TMEM184A: variants seen among roughly 807,000 people sequenced by gnomAD.
The protein encoded by TMEM184A is transmembrane protein 184A.
TMEM184A carries 40 observed loss-of-function variants against 39.5 expected under a neutral mutation model. The observed-to-expected ratio is 1.01, with a 90% CI of 0.79 to 1.32. The LOEUF is 1.32. Among genes scored for constraint, TMEM184A ranks in the 40% most tolerant of loss-of-function variants. The pLI is 0.00. For synonymous variants in TMEM184A, 280 were observed against 252.3 expected, an observed-to-expected ratio of 1.11 and a Z score of -1.04; for missense variants, 603 against 568.8, an observed-to-expected ratio of 1.06 and a Z score of -0.61.
At chr7:1,549,141 G>T in intron 6 of TMEM184A, 1 of 463,142 alleles carries the variant, frequency 2.2e-6, no homozygotes, top group South Asian at 1.5e-5. Flanking sequence ...CGCTGTGTGT[G>T]TGCACATATT....
rs1166139431 is a variant in TMEM184A, at chr7:1,542,329, C to CG, written c.*4622dup. 6.6e-6 allele frequency: 1 copy of CG among 152,618 alleles called. No homozygotes were observed. 9.5% of individuals were successfully genotyped at this position (152,618 alleles called of 1,614,324 possible). ...TACTGTAAATCTATCAGAGCAGAGCCGGGGGCACGGGCACAGGTGGGAGTT... is the reference window on the plus strand; with the variant it reads ...TACTGTAAATCTATCAGAGCAGAGCCGGGGGGCACGGGCACAGGTGGGAGTT... On this transcript the variant is annotated 3_prime_UTR_variant, in exon 9 of 9. Transcript: ENST00000297477.
At chr7:1,550,098 C>A (rs762497806) in intron 5 of TMEM184A, 25 bp downstream of exon 5, 1 of 820,148 alleles carries the variant, frequency 1.2e-6, no homozygotes, top group South Asian at 1.4e-5. Flanking sequence ...GGGAGGAGGG[C>A]GGGCAGGGCT....
At chr7:1,549,113 G>T (rs1415754057) in intron 6 of TMEM184A, 1 of 469,556 alleles carries the variant, frequency 2.1e-6, no homozygotes, top group Non-Finnish European at 4.2e-6. Flanking sequence ...TGTATGTCGT[G>T]TGCACACAGG....
At chr7:1,549,732 C>A (rs946388828) in intron 6 of TMEM184A, 122 bp downstream of exon 6, 1 of 900,566 alleles carries the variant, frequency 1.1e-6, no homozygotes, top group East Asian at 2.7e-5. Flanking sequence ...CAGGTGCCCC[C>A]GCAGCTCCCA....
chr7:1,554,508 C>T (rs148171444), intron 2 of TMEM184A, among the ~76,000 whole-genome samples: 10 of 152,330 alleles, frequency 6.6e-5, no homozygotes, highest in Non-Finnish European at 1.5e-4. Flanking sequence ...CGGGCCTACA[C>T]ACGCACTCCC....
rs1476209121 is a variant in TMEM184A, at chr7:1,555,141, T to A, written c.219+125A>T. 1.3e-6 allele frequency: 1 copy of A among 755,520 alleles called. No individual in the cohort carries two copies. The highest frequency in any genetic ancestry group is 2.0e-6 in the Non-Finnish European group (1 of 488,132). 46.8% of individuals were successfully genotyped at this position (755,520 alleles called of 1,614,324 possible). ...CTGGGGAAGCTCATCCCCTCCCCCGTGCCCTGGCCGATCCCACTTCTGACA... is the reference window on the plus strand; with the variant it reads ...CTGGGGAAGCTCATCCCCTCCCCCGAGCCCTGGCCGATCCCACTTCTGACA... On this transcript the variant is annotated intron_variant, in intron 2 of 8. Coordinates refer to ENST00000297477, the MANE Select transcript of TMEM184A (RefSeq NM_001097620.2). This position sits in a 1 kb window ranked among gnomAD's most constrained non-coding sequence, Gnocchi z 5.2.
chr7:1,554,371 C>G (rs1164188912), intron 2 of TMEM184A, among the ~76,000 whole-genome samples: 2 of 152,168 alleles, frequency 1.3e-5, no homozygotes, highest in Non-Finnish European at 2.9e-5. Flanking sequence ...CCCGTGCACC[C>G]GGGAAGCAGC....
In TMEM184A at chr7:1,555,858, C is replaced by G; in HGVS notation, c.-1+256G>C. The G allele has an allele frequency of 3.2e-6, 1 of 317,362 alleles. No homozygotes were observed. The highest frequency in any genetic ancestry group is 2.7e-5 in the South Asian group (1 of 36,562). 19.7% of individuals were successfully genotyped at this position (317,362 alleles called of 1,614,324 possible). On this transcript the variant is annotated intron_variant, in intron 1 of 8. Coordinates refer to ENST00000297477, the MANE Select transcript of TMEM184A (RefSeq NM_001097620.2). This position sits in a 1 kb window ranked among gnomAD's most constrained non-coding sequence, Gnocchi z 5.2. ...CTGCCTGCCCGGGAGGGCTGGGGAG[C>G]GGGCGCAGACCAGCACTGCCTGCCC...
Position 1,550,069 on chromosome 7 carries a change from G to A in TMEM184A, c.552+54C>T, listed in dbSNP as rs73287471. The A allele has an allele frequency of 7.8e-3, 9,786 of 1,254,034 alleles. 301 individuals are homozygous for A. In the African/African-American group the frequency reaches 0.093, roughly 12 times the overall value. The allele number at this position is 1,254,034 out of a possible 1,614,324, so 77.7% of individuals were successfully genotyped here. A position where few individuals can be genotyped will look rare whatever the true frequency, so the allele number is the denominator to read the frequency against. Reference sequence around the variant, plus strand: ...GTGGGGTGGCGCTGGGCCGGCTAGGGCCCCTGACGGGCTTGGGTGGGAGGA... The same window carrying A: ...GTGGGGTGGCGCTGGGCCGGCTAGGACCCCTGACGGGCTTGGGTGGGAGGA... On this transcript the variant is annotated intron_variant, in intron 5 of 8. Transcript: ENST00000297477.
At chr7:1,549,166 G>C (rs773462718) in intron 6 of TMEM184A, 4 of 459,098 alleles carry the variant, frequency 8.7e-6, no homozygotes, top group African/African-American at 8.0e-5. Flanking sequence ...GCATGTGAGT[G>C]TACATACATG....
chr7:1,549,571 G>T (rs1357261275), intron 6 of TMEM184A: 17 of 556,106 alleles, frequency 3.1e-5, no homozygotes, highest in Non-Finnish European at 3.5e-5. Flanking sequence ...GTGAGGGGAG[G>T]TCCAGGCCCC....
rs553952320 is a variant in TMEM184A at position 1,555,139 on chromosome 7, C to T, written c.219+127G>A. 2.2e-4 allele frequency: 161 copies of T among 745,582 alleles called. 1 individual carries two copies. Among genetic ancestry groups the T allele is most frequent in the Admixed American group, 9.7e-4 (30 of 30,956 alleles). 46.2% of individuals were successfully genotyped at this position (745,582 alleles called of 1,614,324 possible). Reference sequence around the variant, plus strand: ...TCCTGGGGAAGCTCATCCCCTCCCCCGTGCCCTGGCCGATCCCACTTCTGA... The same window carrying T: ...TCCTGGGGAAGCTCATCCCCTCCCCTGTGCCCTGGCCGATCCCACTTCTGA... On this transcript the variant is annotated intron_variant, in intron 2 of 8. Transcript: ENST00000297477. The surrounding 1 kb of genome is among the most constrained non-coding windows in gnomAD (Gnocchi z 5.2).
intron 3 of TMEM184A, 58 bp downstream of exon 3, chr7:1,550,759 G>T: frequency 1.3e-6 from 2 of 1,589,414 alleles, no homozygotes; most frequent in Non-Finnish European, 8.6e-7. Flanking sequence ...GTGCGTGCAC[G>T]CAGGCCCCGG....
chr7:1,549,916 G>C lies in TMEM184A; in HGVS notation c.582C>G (p.Pro194=), dbSNP rs10275771. 1.7e-5 allele frequency: 27 copies of C among 1,612,652 alleles called. No individual in the cohort carries two copies. In the South Asian group the frequency reaches 2.6e-4, roughly 16 times the overall value. ...GGATGATGGTGGTGACGGCCATGAC[G>C]GGCTTCACCAGGCAGAACTGCAGAG... is the stretch of plus-strand genomic sequence containing the variant. The part of the protein sequence containing the change: ...QATLQFCLVK[P]VMAVTTIILQ... Residue 194 remains proline (P), a synonymous_variant, in exon 6 of 9, where the codon CCC becomes CCG. Coordinates refer to ENST00000297477, the MANE Select transcript of TMEM184A (RefSeq NM_001097620.2).
intron 2 of TMEM184A, among the ~76,000 whole-genome samples, chr7:1,551,916 G>C (rs1397077362): frequency 6.6e-6 from 1 of 151,400 alleles, no homozygotes; most frequent in South Asian, 2.1e-4. Context: ...CAGCCTGGGC[G>C]ACAGAGCGAG....
Position 1,550,872 on chromosome 7 carries a change from G to A in TMEM184A, c.330C>T (p.Leu110=), listed in dbSNP as rs749180390. The A allele has an allele frequency of 2.5e-6, 4 of 1,613,710 alleles. No individual in the cohort carries two copies. Among genetic ancestry groups the A allele is most frequent in the South Asian group, 1.1e-5 (1 of 91,088 alleles). The change falls in exon 3 of 9, where the codon CTC becomes CTT. Residue 110 remains leucine (L), a synonymous_variant. Coordinates refer to ENST00000297477, the MANE Select transcript of TMEM184A (RefSeq NM_001097620.2). ...YAFDSWLSLL[L]LGDHQYYVYF... ...AGACGTAGTACTGGTGGTCTCCGAG[G>A]AGGAGGAGGCTGAGCCAGGAGTCGA...
In TMEM184A at chr7:1,546,602, C is replaced by A; in HGVS notation, c.*350G>T. 1 of 234,590 alleles carries A rather than the reference C, an allele frequency of 4.3e-6. No individual in the cohort carries two copies. The allele number at this position is 234,590 out of a possible 1,614,324, so 14.5% of individuals were successfully genotyped here. A position where few individuals can be genotyped will look rare whatever the true frequency, so the allele number is the denominator to read the frequency against. On this transcript the variant is annotated 3_prime_UTR_variant, in exon 9 of 9. Transcript: ENST00000297477. ...CCTGAACCAGGGAGTCTGACCCACT[C>A]ACAGCTCCCATGGGGTCCGTGCAGC...
rs1416356088 is a variant in TMEM184A at position 1,550,359 on chromosome 7, T to C, written c.422A>G (p.Gln141Arg). The change falls in exon 4 of 9, where the codon CAG becomes CGG. Residue 141 changes from glutamine to arginine, a missense_variant. Gln to Arg is a conservative substitution (Grantham distance 43). Transcript: ENST00000297477. The part of the protein sequence containing the change: ...VIYSFLSLCF[Q>R]YLGGEGAIMA... ...GATGGCGCCCTCGCCTCCCAGGTACTGGAAACACAGGCTCAGGAAGCTGTA... is the reference window on the plus strand; with the variant it reads ...GATGGCGCCCTCGCCTCCCAGGTACCGGAAACACAGGCTCAGGAAGCTGTA... The C allele has an allele frequency of 1.6e-5, 26 of 1,612,800 alleles. No homozygotes were observed. In the Admixed American group the frequency reaches 4.3e-4, roughly 27 times the overall value.
In TMEM184A at chr7:1,548,575, TG is replaced by T. The variant is rs776277727; in HGVS notation, c.757del (p.Gln253SerfsTer102). ...FTTRELLRPF[Q>X]PVLKFLTIKA... ...GATGGTGAGGAACTTGAGGACGGGCTGGAAGGGCCGCAGGAGCTCCCTGGTG... is the reference window on the plus strand; with the variant it reads ...GATGGTGAGGAACTTGAGGACGGGCTGAAGGGCCGCAGGAGCTCCCTGGTG... On this transcript the variant is annotated frameshift_variant, in exon 7 of 9. Coordinates refer to ENST00000297477, the MANE Select transcript of TMEM184A (RefSeq NM_001097620.2). LOFTEE classifies it high-confidence loss of function. 3.1e-6 allele frequency: 5 copies of T among 1,613,588 alleles called. No homozygotes were observed. Among genetic ancestry groups the T allele is most frequent in the Non-Finnish European group, 8.5e-7 (1 of 1,179,938 alleles).
Sources: gnomAD v4.1 joint callset for allele counts (sites outside exome capture counted in the v4.1 genomes callset) on GRCh38, gnomAD v4.1.1 for gene constraint, Gnocchi (gnomAD v3.1) non-coding constraint, MANE v1.5 for transcripts, NCBI Gene and HGNC (gene_info 2026-07-23, HGNC 2026-07-21) for gene names.